Variants in COL8A2 observed in about 807,000 individuals in gnomAD.
COL8A2 encodes collagen type VIII alpha 2 chain.
Under a neutral mutation model 24.0 loss-of-function variants are expected in COL8A2, and 16 were observed. That is an observed-to-expected ratio of 0.67 (90% CI 0.45 to 1.01). The LOEUF is 1.01. COL8A2 is among the 50% of genes least tolerant of loss of function. COL8A2 has a pLI of 0.00. For missense variants in COL8A2, 818 were observed against 942.4 expected (o/e 0.87, Z 1.73); for synonymous variants, 466 against 424.5 (o/e 1.10, Z -1.20).
chr1:36,098,906 C>G lies in COL8A2; in HGVS notation c.775G>C (p.Val259Leu). The G allele has an allele frequency of 6.2e-7, 1 of 1,611,474 alleles. No homozygotes were observed. The highest frequency in any genetic ancestry group is 8.5e-7 in the Non-Finnish European group (1 of 1,179,292). The change falls in exon 4 of 4, where the codon GTT (valine) becomes CTT (leucine). Residue 259 changes from valine to leucine, a missense_variant. Coordinates refer to ENST00000397799, the MANE Select transcript of COL8A2 (RefSeq NM_005202.4). ...CCTGGCTCCCCCCTGGGGCCTGGAA[C>G]TCCAGGAGGCCCAGACTCACCCTTG... ...GDKGESGPPGVPGPRGEPGAV... is the reference protein window; with the variant it reads ...GDKGESGPPGLPGPRGEPGAV...
At chr1:36,119,886 C>A (rs1643897866) in intron 1 of COL8A2, among the ~76,000 whole-genome samples, 2 of 152,286 alleles carry the variant, frequency 1.3e-5, no homozygotes, top group Admixed American at 1.3e-4. Flanking sequence ...GCTGGCCCAG[C>A]TCATGGATGG....
rs1643943142 is a variant in COL8A2, at chr1:36,125,120, C to T, written c.-125G>A. ...AGGGCGGCCCGGGCGGCGAGGGCTC[C>T]GGGCAGGGGCGTCCGCGGCTGGGCG... On this transcript the variant is annotated 5_prime_UTR_variant, in exon 1 of 4. Coordinates refer to ENST00000397799, the MANE Select transcript of COL8A2 (RefSeq NM_005202.4). This position sits in a 1 kb window ranked among gnomAD's most constrained non-coding sequence, Gnocchi z 4.5. The T allele has an allele frequency of 2.2e-6, 2 of 919,292 alleles. No homozygotes were observed. Among genetic ancestry groups the T allele is most frequent in the South Asian group, 5.0e-5 (1 of 20,068 alleles). The allele number at this position is 919,292 out of a possible 1,614,324, so 56.9% of individuals were successfully genotyped here.
Position 36,111,535 on chromosome 1 carries a change from C to T in COL8A2, c.-17+4173G>A, listed in dbSNP as rs572799406. Among the ~76,000 whole-genome samples, 23 of 141,860 alleles carry T rather than the reference C, an allele frequency of 1.6e-4. 1 individual carries two copies. The highest frequency in any genetic ancestry group is 5.5e-4 in the African/African-American group (21 of 37,838). The allele number at this position is 141,860 out of a possible 152,430, so 93.1% of individuals were successfully genotyped here. On this transcript the variant is annotated intron_variant, in intron 2 of 3. Coordinates refer to ENST00000397799, the MANE Select transcript of COL8A2 (RefSeq NM_005202.4). ...GGACTCCCACATCTGTCTCCAACTA[C>T]GATGTCTCCCCTGAGCCATTTTTTT...
chr1:36,099,000 G>A lies in COL8A2; in HGVS notation c.681C>T (p.Pro227=). ...GAPGQGGAPG[P]PGLPGPAGLG... is the part of the protein sequence containing the mutation. ...AGCCAGCTGGACCAGGGAGGCCGGG[G>A]GGGCCGGGGGCACCCCCCTGCCCTG... Residue 227 remains proline (P), a synonymous_variant, in exon 4 of 4, where the codon CCC becomes CCT. Transcript: ENST00000397799. The A allele has an allele frequency of 6.3e-7, 1 of 1,590,026 alleles. No individual in the cohort carries two copies. Among genetic ancestry groups the A allele is most frequent in the Non-Finnish European group, 8.6e-7 (1 of 1,166,684 alleles).
intron 2 of COL8A2, among the ~76,000 whole-genome samples, chr1:36,106,181 T>C (rs1643757516): frequency 6.6e-6 from 1 of 150,656 alleles, no homozygotes; most frequent in Non-Finnish European, 1.5e-5. Context: ...GGAGAATCAC[T>C]GGAATCCAGG....
chr1:36,098,405 T>G lies in COL8A2; in HGVS notation c.1276A>C (p.Lys426Gln), dbSNP rs752690999. Residue 426 changes from lysine (K) to glutamine (Q), a missense_variant, in exon 4 of 4, where the codon AAG (lysine) becomes CAG (glutamine). Coordinates refer to ENST00000397799, the MANE Select transcript of COL8A2 (RefSeq NM_005202.4). ...CGACCCGTGAAACCCGGCTCACCCT[T>G]GGGCCCAGTTGGTCCAGGGGGTCCA... ...AHGPPGPTGP[K>Q]GEPGFTGRPG... The G allele has an allele frequency of 8.2e-6, 13 of 1,578,478 alleles. No homozygotes were observed. The Middle Eastern group carries it at 6.9e-4, about 83-fold the overall frequency.
chr1:36,098,539 G>GC lies in COL8A2; in HGVS notation c.1141dup (p.Ala381GlyfsTer15). 5 of 1,599,720 alleles carry GC rather than the reference G, an allele frequency of 3.1e-6. No homozygotes were observed. The highest frequency in any genetic ancestry group is 4.3e-6 in the Non-Finnish European group (5 of 1,174,210). Reference sequence around the variant, plus strand: ...CACTCCTGGGGGTCCTCCAGGCCCTGCCTCACCCTTAGGCCCAGGGGGCCC... The same window carrying GC: ...CACTCCTGGGGGTCCTCCAGGCCCTGCCCTCACCCTTAGGCCCAGGGGGCCC... On this transcript the variant is annotated frameshift_variant, in exon 4 of 4. Coordinates refer to ENST00000397799, the MANE Select transcript of COL8A2 (RefSeq NM_005202.4). LOFTEE classifies it high-confidence loss of function.
At chr1:36,111,876 A>T (rs1643845916) in intron 2 of COL8A2, among the ~76,000 whole-genome samples, 1 of 151,916 alleles carries the variant, frequency 6.6e-6, no homozygotes, top group Admixed American at 6.6e-5. Context: ...TCCCTCAGAG[A>T]TCCCACCCAA....
intron 1 of COL8A2, among the ~76,000 whole-genome samples, chr1:36,116,140 G>C (rs1409116337): frequency 6.6e-6 from 1 of 151,272 alleles, no homozygotes; most frequent in Non-Finnish European, 1.5e-5. Context: ...AGCCACACCA[G>C]TGCCTGCCCC....
chr1:36,109,083 C>G (rs1035137900), intron 2 of COL8A2, among the ~76,000 whole-genome samples: 1 of 152,240 alleles, frequency 6.6e-6, no homozygotes, highest in Non-Finnish European at 1.5e-5. Context: ...GCGCAGGCCC[C>G]TACTGCTCCA....
intron 1 of COL8A2, among the ~76,000 whole-genome samples, chr1:36,124,009 C>T (rs1441538698): frequency 6.6e-6 from 1 of 152,130 alleles, no homozygotes; most frequent in Non-Finnish European, 1.5e-5. Context: ...GGCTGCCTGA[C>T]CCTCCAGCCA....
At chr1:36,120,075 C>T (rs1396121509) in intron 1 of COL8A2, among the ~76,000 whole-genome samples, 1 of 152,170 alleles carries the variant, frequency 6.6e-6, no homozygotes, top group Non-Finnish European at 1.5e-5. Flanking sequence ...CATCCCAGCC[C>T]TCACGGTTCT....
At position 36,115,603 on chromosome 1, in the gene COL8A2, G is replaced by T; in HGVS notation, c.-17+105C>A. 1.7e-6 allele frequency: 1 copy of T among 601,782 alleles called. No individual in the cohort carries two copies. Among genetic ancestry groups the T allele is most frequent in the Non-Finnish European group, 2.1e-6 (1 of 479,366 alleles). The allele number at this position is 601,782 out of a possible 1,614,324, so 37.3% of individuals were successfully genotyped here. ...TGGCTCACAGGACTCTCTGGGCCTG[G>T]GAGGGGCTTCCGGTGCAGCAGGAGG... On this transcript the variant is annotated intron_variant, in intron 2 of 3. Transcript: ENST00000397799. The surrounding 1 kb of genome is among the most constrained non-coding windows in gnomAD (Gnocchi z 5.7).
intron 1 of COL8A2, among the ~76,000 whole-genome samples, chr1:36,124,820 G>A (rs1383529969): frequency 6.6e-6 from 1 of 152,116 alleles, no homozygotes; most frequent in Non-Finnish European, 1.5e-5. Context: ...GCTTCTGGGA[G>A]AGGAAGGGAG....
chr1:36,118,667 GTC>G (rs1381230196), intron 1 of COL8A2, among the ~76,000 whole-genome samples: 2 of 152,150 alleles, frequency 1.3e-5, no homozygotes, highest in African/African-American at 4.8e-5. Context: ...GGGTGGGACA[GTC>G]TGCACCCCCC....
intron 1 of COL8A2, among the ~76,000 whole-genome samples, chr1:36,118,476 C>T (rs533941223): frequency 6.6e-6 from 1 of 152,360 alleles, no homozygotes; most frequent in East Asian, 1.9e-4. Flanking sequence ...CTCTGTCTTA[C>T]AAATAGGAAG....
intron 1 of COL8A2, among the ~76,000 whole-genome samples, chr1:36,119,041 C>A (rs145225777): frequency 4.6e-5 from 7 of 152,294 alleles, no homozygotes; most frequent in African/African-American, 1.7e-4. Context: ...ACTCCCGTAA[C>A]CCTGGAAGGC....
intron 1 of COL8A2, among the ~76,000 whole-genome samples, chr1:36,122,492 C>T (rs1413333917): frequency 1.3e-5 from 2 of 152,294 alleles, no homozygotes; most frequent in Non-Finnish European, 2.9e-5. Context: ...CAAGGCTACA[C>T]TCAGCCTCCA....
chr1:36,107,549 C>T (rs1643778844), intron 2 of COL8A2, among the ~76,000 whole-genome samples: 1 of 152,206 alleles, frequency 6.6e-6, no homozygotes, highest in South Asian at 2.1e-4. Context: ...AGAGGAGGCT[C>T]ACCCTGGCTC....
Sources: allele counts gnomAD v4.1 joint callset (sites outside exome capture counted in the v4.1 genomes callset), GRCh38; gene constraint gnomAD v4.1.1; non-coding constraint Gnocchi (gnomAD v3.1); transcripts MANE v1.5; gene names NCBI Gene and HGNC (gene_info 2026-07-23, HGNC 2026-07-21).